The following BNIP3L variants were observed in gnomAD, a reference collection of about 807,000 sequenced individuals.
BNIP3L encodes BCL2 interacting protein 3 like, also known as BCL2/adenovirus E1B 19 kDa protein-interacting protein 3-like.
BNIP3L carries 10 observed loss-of-function variants against 25.5 expected under a neutral mutation model. The observed-to-expected ratio is 0.39, with a 90% CI of 0.24 to 0.67. BNIP3L has a LOEUF of 0.67. Ranked by LOEUF, BNIP3L falls within the 30% of genes least tolerant of loss-of-function variation. The probability of loss-of-function intolerance (pLI) is 0.45; values close to 1 mark genes in which losing one functional copy is unlikely to be tolerated. For missense variants in BNIP3L, 215 were observed against 270.9 expected (o/e 0.79, Z 1.45); for synonymous variants, 113 against 101.2 (o/e 1.12, Z -0.70).
chr8:26,387,789 C>T (rs183738992), intron 1 of BNIP3L, among the ~76,000 whole-genome samples: 29 of 152,230 alleles, frequency 1.9e-4, no homozygotes, highest in African/African-American at 6.7e-4. Flanking sequence ...GCTGTTAATA[C>T]CTATTGTCAA....
At chr8:26,403,148 C>G (rs182743433) in intron 3 of BNIP3L, among the ~76,000 whole-genome samples, 36 of 152,264 alleles carry the variant, frequency 2.4e-4, no homozygotes, top group African/African-American at 8.2e-4. Flanking sequence ...ACAATCAGAT[C>G]GGTCAGTTTC....
intron 1 of BNIP3L, among the ~76,000 whole-genome samples, chr8:26,384,367 A>G (rs1268381441): frequency 6.6e-6 from 1 of 152,160 alleles, no homozygotes; most frequent in East Asian, 1.9e-4. Context: ...GAGTTTGGAG[A>G]TTTTAAGATG....
intron 1 of BNIP3L, among the ~76,000 whole-genome samples, chr8:26,389,986 C>G (rs776786866): frequency 1.3e-5 from 2 of 152,164 alleles, no homozygotes; most frequent in Non-Finnish European, 2.9e-5. Flanking sequence ...GATGGCCACA[C>G]CAAGCTGCTT....
rs1188505745 is a variant in BNIP3L at position 26,412,356 on chromosome 8, T to C, written c.*1944T>C. 1 of 152,186 alleles carries C rather than the reference T, an allele frequency of 6.6e-6. No individual in the cohort carries two copies. Among genetic ancestry groups the C allele is most frequent in the Non-Finnish European group, 1.5e-5 (1 of 68,028 alleles). 9.4% of individuals were successfully genotyped at this position (152,186 alleles called of 1,614,324 possible). Reference sequence around the variant, plus strand: ...AAACTGCTACAGTATGCAATTTCTATTACAATTGGTATTACAGGGGGGAAA... The same window carrying C: ...AAACTGCTACAGTATGCAATTTCTACTACAATTGGTATTACAGGGGGGAAA... On this transcript the variant is annotated 3_prime_UTR_variant, in exon 6 of 6. Transcript: ENST00000380629.
At chr8:26,408,977 A>G (rs1028273996) in intron 5 of BNIP3L, among the ~76,000 whole-genome samples, 2 of 151,966 alleles carry the variant, frequency 1.3e-5, no homozygotes, top group African/African-American at 4.8e-5. Context: ...TTGTTGTGTA[A>G]TATTTAATCT....
intron 3 of BNIP3L, among the ~76,000 whole-genome samples, chr8:26,401,561 T>TA (rs1173522728): frequency 0.011 from 545 of 48,256 alleles, no homozygotes; most frequent in Middle Eastern, 0.022. Flanking sequence ...AAACTTAAAT[T>TA]AAAAAAAAAA....
intron 3 of BNIP3L, among the ~76,000 whole-genome samples, chr8:26,401,095 T>C (rs1806359595): frequency 2.1e-5 from 3 of 139,670 alleles, no homozygotes; most frequent in African/African-American, 7.7e-5. Context: ...TAAATCATGC[T>C]GCTATAAAGA....
chr8:26,395,462 G>A (rs1223386940), intron 3 of BNIP3L, among the ~76,000 whole-genome samples, 160 bp downstream of exon 3: 3 of 152,104 alleles, frequency 2.0e-5, no homozygotes, highest in Admixed American at 1.3e-4. Flanking sequence ...AGTTCTTGTC[G>A]CACTCCTTTA....
chr8:26,407,942 TTG>T (rs1362142181), intron 3 of BNIP3L, 56 bp from the exon 4 acceptor site: 10 of 1,466,030 alleles, frequency 6.8e-6, no homozygotes, highest in South Asian at 2.4e-5. Context: ...AGATTTTTCT[TTG>T]TATTAGGAGG....
At chr8:26,401,837 G>T (rs1453222868) in intron 3 of BNIP3L, among the ~76,000 whole-genome samples, 1 of 152,138 alleles carries the variant, frequency 6.6e-6, no homozygotes, top group East Asian at 1.9e-4. Context: ...TGTGTTATAA[G>T]ACTTAAAATA....
At chr8:26,383,659 G>A (rs914274976) in intron 1 of BNIP3L, among the ~76,000 whole-genome samples, 1 of 150,132 alleles carries the variant, frequency 6.7e-6, no homozygotes, top group African/African-American at 2.4e-5. Flanking sequence ...GAGCGGGGCG[G>A]GGCGGGCGGC....
intron 1 of BNIP3L, among the ~76,000 whole-genome samples, chr8:26,388,245 A>C (rs1403072316): frequency 6.6e-6 from 1 of 152,238 alleles, no homozygotes; most frequent in Non-Finnish European, 1.5e-5. Context: ...GATATAGAAT[A>C]TAATTGTAGT....
Position 26,391,431 on chromosome 8 carries a change from G to A in BNIP3L, c.284+5G>A. 6.5e-7 allele frequency: 1 copy of A among 1,533,700 alleles called. No homozygotes were observed. The highest frequency in any genetic ancestry group is 1.3e-5 in the South Asian group (1 of 79,194). ...AGGCAGTTCTCACTGTGACAGGTAA[G>A]TGAGACCCATGTTTTGGTGGAATTC... On this transcript the variant is annotated splice_donor_5th_base_variant and intron_variant, in intron 2 of 5. Transcript: ENST00000380629.
At position 26,410,394 on chromosome 8, in the gene BNIP3L, C is replaced by T. The variant is rs1275707796; in HGVS notation, c.642C>T (p.Pro214=). Residue 214 remains proline (P), a synonymous_variant, in exon 6 of 6, where the codon CCC becomes CCT. Coordinates refer to ENST00000380629, the MANE Select transcript of BNIP3L (RefSeq NM_004331.3). ...ATATTGGAAAGCGACTGAGCACACC[C>T]TCTGCCAGCACCTACTGAGGGAAAG... ...GIYIGKRLST[P]SASTY is the part of the protein sequence containing the mutation. 6.2e-6 allele frequency: 10 copies of T among 1,614,014 alleles called. No homozygotes were observed. The East Asian group carries it at 8.9e-5, about 14-fold the overall frequency.
rs1806631974 is a variant in BNIP3L at position 26,411,844 on chromosome 8, G to T, written c.*1432G>T. The T allele has an allele frequency of 6.6e-6, 1 of 152,464 alleles. No homozygotes were observed. The highest frequency in any genetic ancestry group is 2.4e-5 in the African/African-American group (1 of 41,378). The allele number at this position is 152,464 out of a possible 1,614,324, so 9.4% of individuals were successfully genotyped here. On this transcript the variant is annotated 3_prime_UTR_variant, in exon 6 of 6. Coordinates refer to ENST00000380629, the MANE Select transcript of BNIP3L (RefSeq NM_004331.3). Reference sequence around the variant, plus strand: ...TGTTTATGATATAGACATTGATATTGACTATTTAGAGAACCGTTGTTAATT... The same window carrying T: ...TGTTTATGATATAGACATTGATATTTACTATTTAGAGAACCGTTGTTAATT...
Position 26,410,390 on chromosome 8 carries a change from C to T in BNIP3L, c.638C>T (p.Thr213Ile), listed in dbSNP as rs764191728. The T allele has an allele frequency of 4.3e-6, 7 of 1,614,040 alleles. No individual in the cohort carries two copies. Among genetic ancestry groups the T allele is most frequent in the African/African-American group, 1.3e-5 (1 of 74,906 alleles). Residue 213 changes from threonine (T) to isoleucine (I), a missense_variant, in exon 6 of 6, where the codon ACA becomes ATA. Physicochemically the swap from Thr to Ile is moderately conservative, Grantham distance 89. Coordinates refer to ENST00000380629, the MANE Select transcript of BNIP3L (RefSeq NM_004331.3). ...ATCTATATTGGAAAGCGACTGAGCACACCCTCTGCCAGCACCTACTGAGGG... is the reference window on the plus strand; with the variant it reads ...ATCTATATTGGAAAGCGACTGAGCATACCCTCTGCCAGCACCTACTGAGGG... ...LGIYIGKRLS[T>I]PSASTY
intron 1 of BNIP3L, among the ~76,000 whole-genome samples, chr8:26,389,937 C>T (rs1400000605): frequency 6.6e-6 from 1 of 152,158 alleles, no homozygotes; most frequent in Non-Finnish European, 1.5e-5. Flanking sequence ...CCTTGTTCAT[C>T]CCTGGAACTC....
chr8:26,412,258 C>A lies in BNIP3L; in HGVS notation c.*1846C>A, dbSNP rs1400925454. 1 of 152,138 alleles carries A rather than the reference C, an allele frequency of 6.6e-6. No individual in the cohort carries two copies. The highest frequency in any genetic ancestry group is 1.5e-5 in the Non-Finnish European group (1 of 68,024). 9.4% of individuals were successfully genotyped at this position (152,138 alleles called of 1,614,324 possible). A position where few individuals can be genotyped will look rare whatever the true frequency, so the allele number is the denominator to read the frequency against. On this transcript the variant is annotated 3_prime_UTR_variant, in exon 6 of 6. Coordinates refer to ENST00000380629, the MANE Select transcript of BNIP3L (RefSeq NM_004331.3). ...GAATTTCTTTGGGAAGAAAGTAAAT[C>A]TGATGGCTCACTGATTTTTGAAAAG...
intron 3 of BNIP3L, among the ~76,000 whole-genome samples, chr8:26,403,666 A>G (rs1018866202): frequency 3.3e-5 from 5 of 151,680 alleles, no homozygotes; most frequent in African/African-American, 1.2e-4. Context: ...TCTCCCTAGT[A>G]GCTGGGACTA....
Sources: gnomAD v4.1 joint callset for allele counts (sites outside exome capture counted in the v4.1 genomes callset) on GRCh38, gnomAD v4.1.1 for gene constraint, MANE v1.5 for transcripts, NCBI Gene and HGNC (gene_info 2026-07-23, HGNC 2026-07-21) for gene names.